The following POU2F2 variants were observed in gnomAD, a reference collection of about 807,000 sequenced individuals.
POU2F2 encodes the protein POU class 2 homeobox 2.
A neutral mutation model predicts 63.5 loss-of-function variants in POU2F2; 14 were observed. The ratio of observed to expected loss-of-function variants is 0.22; its 90% CI spans 0.15 to 0.34. The LOEUF (loss-of-function observed/expected upper bound fraction) is 0.34, where lower values mean the gene tolerates loss of function less well. Ranked by LOEUF, POU2F2 falls within the 10% of genes least tolerant of loss-of-function variation. The pLI is 1.00. For synonymous variants in POU2F2, 306 were observed against 348.6 expected (o/e 0.88, Z 1.36); for missense variants, 607 against 815.2 (o/e 0.74, Z 3.11).
upstream of POU2F2, chr19:42,137,227 T>C (rs2034033293): frequency 6.6e-6 from 1 of 151,836 alleles, no homozygotes; most frequent in African/African-American, 2.4e-5. Context: ...TAGTCCTGGC[T>C]CCTCTGGAGG....
intron 1 of POU2F2, among the ~76,000 whole-genome samples, chr19:42,171,431 C>CTTGTGTGTGTGT (rs1214603539): frequency 7.2e-6 from 1 of 138,544 alleles, no homozygotes; most frequent in African/African-American, 2.6e-5. Flanking sequence ...GGCTGCGCTT[C>CTTGTGTGTGTGT]GTGTGTGTGT....
intron 1 of POU2F2, among the ~76,000 whole-genome samples, chr19:42,126,478 G>A (rs1276305071): frequency 6.6e-6 from 1 of 151,776 alleles, no homozygotes; most frequent in Non-Finnish European, 1.5e-5. Context: ...AGGGAATTAG[G>A]TCACAGATGG....
chr19:42,104,670 A>G (rs142952287), intron 5 of POU2F2, among the ~76,000 whole-genome samples: 2 of 152,248 alleles, frequency 1.3e-5, no homozygotes, highest in East Asian at 3.9e-4. Context: ...GTATATCTGG[A>G]TATTTGCTTG....
intron 1 of POU2F2, among the ~76,000 whole-genome samples, chr19:42,187,628 G>A (rs140977133): frequency 0.079 from 12,057 of 151,898 alleles, 670 homozygotes; most frequent in Middle Eastern, 0.18. Context: ...TGGGCATGGT[G>A]GTGGGCGCCT....
At chr19:42,133,305 C>G (rs781406528), upstream of POU2F2, 1 of 152,202 alleles carries the variant, frequency 6.6e-6, no homozygotes, top group African/African-American at 2.4e-5. The surrounding 1 kb of genome is among the most constrained non-coding windows in gnomAD (Gnocchi z 5.1). Flanking sequence ...GAGAAGGGAG[C>G]CCCTCCCTCC....
In POU2F2 at chr19:42,096,323, C is replaced by G; in HGVS notation, c.568-80G>C. ...AGCGATGGGTGCACAGTCCCCCTCC[C>G]GCCCTCTTCGCCCCTGCGTTCCATC... is the stretch of plus-strand genomic sequence containing the variant. On this transcript the variant is annotated intron_variant, in intron 7 of 14. Transcript: ENST00000692977. The surrounding 1 kb of genome is among the most constrained non-coding windows in gnomAD (Gnocchi z 4.1). 1 of 1,352,278 alleles carries G rather than the reference C, an allele frequency of 7.4e-7. No individual in the cohort carries two copies. Among genetic ancestry groups the G allele is most frequent in the East Asian group, 2.5e-5 (1 of 39,700 alleles). 83.8% of individuals were successfully genotyped at this position (1,352,278 alleles called of 1,614,324 possible). A position where few individuals can be genotyped will look rare whatever the true frequency, so the allele number is the denominator to read the frequency against.
intron 1 of POU2F2, among the ~76,000 whole-genome samples, chr19:42,171,522 G>T (rs1163111955): frequency 5.9e-5 from 9 of 151,780 alleles, no homozygotes; most frequent in African/African-American, 2.2e-4. Context: ...GGCGTGGGGG[G>T]CCATGAGGGG....
In POU2F2 at chr19:42,117,210, T is replaced by C; in HGVS notation, c.369+40A>G. The C allele has an allele frequency of 7.1e-7, 1 of 1,407,400 alleles. No individual in the cohort carries two copies. Among genetic ancestry groups the C allele is most frequent in the Non-Finnish European group, 9.4e-7 (1 of 1,059,162 alleles). The allele number at this position is 1,407,400 out of a possible 1,614,324, so 87.2% of individuals were successfully genotyped here. ...AGCCCTGTAACAGATGAGGGGTGGC[T>C]GGTTTGTCCCCTCGTCCCCATCCTT... On this transcript the variant is annotated intron_variant, in intron 5 of 14. Transcript: ENST00000692977. The surrounding 1 kb of genome is among the most constrained non-coding windows in gnomAD (Gnocchi z 4.4).
rs1272742531 is a variant in POU2F2, at chr19:42,091,372, C to T, written c.1760G>A (p.Gly587Asp). ...GGATGAAGAGGATGAGGAGGAGAGGCCAGGAGACTTGCTGGAGATGGAGGC... is the reference window on the plus strand; with the variant it reads ...GGATGAAGAGGATGAGGAGGAGAGGTCAGGAGACTTGCTGGAGATGGAGGC... The part of the protein sequence containing the change: ...VAASISSKSP[G>D]LSSSSSSSSS... Residue 587 changes from glycine (G) to aspartate (D), a missense_variant, in exon 15 of 15, where the codon GGC (glycine) becomes GAC (aspartate). Transcript: ENST00000692977. 1.9e-6 allele frequency: 3 copies of T among 1,540,390 alleles called. No homozygotes were observed. The Admixed American group carries it at 5.9e-5, about 30-fold the overall frequency.
At chr19:42,143,582 G>A (rs1328178787) in intron 2 of POU2F2, among the ~76,000 whole-genome samples, 1 of 152,186 alleles carries the variant, frequency 6.6e-6, no homozygotes, top group Non-Finnish European at 1.5e-5. Context: ...AAGCCTGGGA[G>A]GCCACAGAGA....
At chr19:42,164,727 C>T (rs973040850) in intron 1 of POU2F2, among the ~76,000 whole-genome samples, 1 of 151,704 alleles carries the variant, frequency 6.6e-6, no homozygotes, top group Non-Finnish European at 1.5e-5. Context: ...TTTGGGAGGC[C>T]GAGGTGGGCG....
intron 7 of POU2F2, among the ~76,000 whole-genome samples, chr19:42,097,131 C>G (rs567348590): frequency 6.0e-5 from 9 of 150,958 alleles, no homozygotes; most frequent in South Asian, 4.2e-4. Context: ...GGATGTTTGT[C>G]GCTCAGGTCC....
upstream of POU2F2, among the ~76,000 whole-genome samples, chr19:42,180,408 A>G (rs1171753609): frequency 2.0e-5 from 3 of 152,200 alleles, no homozygotes; most frequent in Non-Finnish European, 4.4e-5. Context: ...GACAACCCAC[A>G]CACTATCCAT....
At chr19:42,182,242 A>AAGAG (rs55947953) in intron 1 of POU2F2, among the ~76,000 whole-genome samples, 66,272 of 125,588 alleles carry the variant, frequency 0.53, 18,275 homozygotes, top group Middle Eastern at 0.64. Flanking sequence ...TCTGTCTCAA[A>AAGAG]AGAGAGAGAG....
At chr19:42,097,150 T>G (rs1025341486) in intron 7 of POU2F2, among the ~76,000 whole-genome samples, 2 of 152,040 alleles carry the variant, frequency 1.3e-5, no homozygotes, top group Non-Finnish European at 2.9e-5. Context: ...CCTTTATCCA[T>G]TATTCTCCAA....
chr19:42,140,698 A>G (rs1341576791), intron 2 of POU2F2, among the ~76,000 whole-genome samples: 1 of 152,136 alleles, frequency 6.6e-6, no homozygotes, highest in African/African-American at 2.4e-5. Context: ...TATTTGCTTT[A>G]CTGTCTCTTT....
In POU2F2 at chr19:42,195,406, C is replaced by G. The variant is rs1194042830; in HGVS notation, c.-70+977G>C. ...GGAGTGCAGTGGCGCAATCTCGGCT[C>G]ACGGCAAGCTCCGCCTCCCGGGTTC... On this transcript the variant is annotated intron_variant, in intron 1 of 5. Transcript: ENST00000532176. Among the ~76,000 whole-genome samples the G allele has an allele frequency of 2.1e-5, 3 of 145,408 alleles. 1 individual carries two copies.
chr19:42,159,764 C>T (rs1229152275), intron 2 of POU2F2, among the ~76,000 whole-genome samples: 2 of 152,216 alleles, frequency 1.3e-5, no homozygotes, highest in African/African-American at 4.8e-5. Flanking sequence ...CCTGCAGCCA[C>T]ACGATTTCAA....
intron 1 of POU2F2, among the ~76,000 whole-genome samples, chr19:42,160,563 C>T (rs2034533909): frequency 6.6e-6 from 1 of 152,174 alleles, no homozygotes; most frequent in Non-Finnish European, 1.5e-5. Context: ...CACTTGTTGC[C>T]TTCAGTAGTC....
Sources: gnomAD v4.1 joint callset for allele counts (sites outside exome capture counted in the v4.1 genomes callset) on GRCh38, gnomAD v4.1.1 for gene constraint, Gnocchi (gnomAD v3.1) non-coding constraint, MANE v1.5 for transcripts, NCBI Gene and HGNC (gene_info 2026-07-23, HGNC 2026-07-21) for gene names.